The following ARB2A variants were observed in gnomAD, a reference collection of about 807,000 sequenced individuals.
The protein encoded by ARB2A is cotranscriptional regulator ARB2A.
At chr5:93,876,452 G>A in the ARB2A span, among the ~76,000 whole-genome samples, 9 of 152,186 alleles carry the variant, frequency 5.9e-5, no homozygotes, top group Admixed American at 5.2e-4. Flanking sequence ...ACATGAAATA[G>A]TAAGTTCTTT....
chr5:94,064,506 C>G, the ARB2A span, among the ~76,000 whole-genome samples: 1 of 152,156 alleles, frequency 6.6e-6, no homozygotes, highest in Admixed American at 6.5e-5. Flanking sequence ...AATCCCCAAT[C>G]AAATACAATG....
At chr5:93,741,629 C>T in the ARB2A span, 4 of 1,437,194 alleles carry the variant, frequency 2.8e-6, no homozygotes, top group South Asian at 5.9e-5. Flanking sequence ...AGAACAGCCA[C>T]CGGCCCCCTC....
At chr5:93,970,500 T>A in the ARB2A span, among the ~76,000 whole-genome samples, 1 of 152,308 alleles carries the variant, frequency 6.6e-6, no homozygotes, top group South Asian at 2.1e-4. Context: ...AACTTTTAAA[T>A]GCTTAAAATA....
At chr5:93,986,439 G>T in the ARB2A span, among the ~76,000 whole-genome samples, 121 of 150,060 alleles carry the variant, frequency 8.1e-4, no homozygotes, top group African/African-American at 2.9e-3. Context: ...CATCTGGGGG[G>T]TGGGGGGGCC....
chr5:93,951,100 A>G, the ARB2A span, among the ~76,000 whole-genome samples: 1 of 152,182 alleles, frequency 6.6e-6, no homozygotes. Context: ...GCACCTTATC[A>G]TATGCCTGCT....
At chr5:93,874,077 G>A in the ARB2A span, among the ~76,000 whole-genome samples, 1 of 152,112 alleles carries the variant, frequency 6.6e-6, no homozygotes, top group Non-Finnish European at 1.5e-5. Flanking sequence ...TTTTAATGAT[G>A]GTGTTTTGTT....
the ARB2A span, among the ~76,000 whole-genome samples, chr5:94,044,150 T>A: frequency 6.6e-6 from 1 of 152,210 alleles, no homozygotes; most frequent in Non-Finnish European, 1.5e-5. Context: ...GTAGCCTAAT[T>A]CTGGGCATGT....
the ARB2A span, among the ~76,000 whole-genome samples, chr5:93,810,195 GT>G: frequency 0.012 from 1,587 of 136,570 alleles, 5 homozygotes; most frequent in Middle Eastern, 0.023. Context: ...TGTAGGTTTC[GT>G]TTTTTTTTTT....
chr5:93,816,977 T>C, the ARB2A span, among the ~76,000 whole-genome samples: 2 of 151,954 alleles, frequency 1.3e-5, no homozygotes, highest in Non-Finnish European at 2.9e-5. Flanking sequence ...AACAAAAATA[T>C]ATAAATTAAT....
the ARB2A span, among the ~76,000 whole-genome samples, chr5:93,968,634 C>G: frequency 6.6e-6 from 1 of 151,940 alleles, no homozygotes; most frequent in Non-Finnish European, 1.5e-5. Flanking sequence ...AGAGAAGAAA[C>G]AGAGAAAATA....
the ARB2A span, among the ~76,000 whole-genome samples, chr5:94,070,803 A>C: frequency 6.6e-6 from 1 of 152,096 alleles, no homozygotes; most frequent in Non-Finnish European, 1.5e-5. Context: ...TATATGGCAT[A>C]TAATTCACCA....
At chr5:93,667,017 G>A in the ARB2A span, among the ~76,000 whole-genome samples, 3 of 152,244 alleles carry the variant, frequency 2.0e-5, no homozygotes, top group East Asian at 5.8e-4. Flanking sequence ...GTAAACTGTA[G>A]ATCACAATCT....
chr5:94,033,309 C>T, the ARB2A span, among the ~76,000 whole-genome samples: 2 of 152,176 alleles, frequency 1.3e-5, no homozygotes, highest in South Asian at 4.2e-4. Flanking sequence ...AGGCTCACAA[C>T]CAGAAGGAGT....
chr5:93,924,530 A>G, the ARB2A span, among the ~76,000 whole-genome samples: 1 of 152,228 alleles, frequency 6.6e-6, no homozygotes, highest in African/African-American at 2.4e-5. Flanking sequence ...TAATATCACC[A>G]AAAGAGCTAG....
the ARB2A span, among the ~76,000 whole-genome samples, chr5:94,000,061 C>T: frequency 9.9e-5 from 15 of 152,054 alleles, no homozygotes; most frequent in African/African-American, 2.7e-4. Context: ...TTTATCCATT[C>T]GCCTATTGAA....
At chr5:93,939,297 TA>T in the ARB2A span, among the ~76,000 whole-genome samples, 2 of 152,172 alleles carry the variant, frequency 1.3e-5, no homozygotes, top group Non-Finnish European at 2.9e-5. Context: ...AGTATTTTAA[TA>T]AGTAAGAAAT....
the ARB2A span, among the ~76,000 whole-genome samples, chr5:93,945,502 A>G: frequency 1.3e-5 from 2 of 152,176 alleles, no homozygotes; most frequent in Non-Finnish European, 2.9e-5. Flanking sequence ...AGCTCAAATC[A>G]GGCGTACTAA....
At chr5:93,828,183 A>G in the ARB2A span, among the ~76,000 whole-genome samples, 1 of 152,174 alleles carries the variant, frequency 6.6e-6, no homozygotes, top group African/African-American at 2.4e-5. Context: ...TACCTTGGGC[A>G]GTATGGCCAC....
the ARB2A span, among the ~76,000 whole-genome samples, chr5:93,677,963 T>C: frequency 6.6e-6 from 1 of 152,214 alleles, no homozygotes; most frequent in Non-Finnish European, 1.5e-5. Context: ...ACTGAGTGGA[T>C]ACTGAGTGAG....
Sources: allele counts gnomAD v4.1 joint callset (sites outside exome capture counted in the v4.1 genomes callset), GRCh38; gene constraint gnomAD v4.1.1; transcripts MANE v1.5; gene names NCBI Gene and HGNC (gene_info 2026-07-23, HGNC 2026-07-21).